The following PFKL variants were observed in gnomAD, a reference collection of about 807,000 sequenced individuals.
The protein encoded by PFKL is phosphofructokinase, liver type, also known as ATP-dependent 6-phosphofructokinase, liver type.
In PFKL, 74 loss-of-function variants were observed where a neutral mutation model predicts 92.1. The ratio of observed to expected loss-of-function variants is 0.80; its 90% CI spans 0.67 to 0.97. The LOEUF (loss-of-function observed/expected upper bound fraction) is 0.97, where lower values mean the gene tolerates loss of function less well. Ranked by LOEUF, PFKL falls within the 50% of genes least tolerant of loss-of-function variation. The probability of loss-of-function intolerance (pLI) is 0.00; values close to 1 mark genes in which losing one functional copy is unlikely to be tolerated. For missense variants in PFKL, 1,028 were observed against 1,116.6 expected, an observed-to-expected ratio of 0.92 and a Z score of 1.13; for synonymous variants, 494 against 456.4, an observed-to-expected ratio of 1.08 and a Z score of -1.05.
intron 1 of PFKL, chr21:44,305,221 G>T (rs934224365): frequency 9.4e-6 from 12 of 1,273,530 alleles, no homozygotes; most frequent in Admixed American, 2.3e-5. Flanking sequence ...TGGCTGCTAC[G>T]TGAGAACAGT....
intron 7 of PFKL, 88 bp downstream of exon 7, chr21:44,314,109 T>A: frequency 1.1e-6 from 1 of 871,170 alleles, no homozygotes; most frequent in South Asian, 1.5e-5. Flanking sequence ...CTTGACCAAC[T>A]CATCTATCAC....
chr21:44,308,603 C>T (rs1313417512), intron 2 of PFKL, among the ~76,000 whole-genome samples: 1 of 149,072 alleles, frequency 6.7e-6, no homozygotes, highest in Non-Finnish European at 1.5e-5. Flanking sequence ...ATTCTGTTGC[C>T]CAGGCTGGAG....
chr21:44,303,272 G>A (rs923529260), intron 1 of PFKL, among the ~76,000 whole-genome samples: 2 of 150,690 alleles, frequency 1.3e-5, no homozygotes, highest in African/African-American at 2.5e-5. Flanking sequence ...TCAGCCAGGC[G>A]TGGTGGTACA....
Position 44,326,157 on chromosome 21 carries a change from A to AGGACG in PFKL, c.2091_2095dup. On this transcript the variant is annotated splice_acceptor_variant, in intron 20 of 21. Coordinates refer to ENST00000349048, the MANE Select transcript of PFKL (RefSeq NM_002626.6). LOFTEE classifies it high-confidence loss of function. ...AGGGCTGCCACGTGCCTCTGTTTGC[A>AGGACG]GGACGGGTGTTCGCCAATGCCCCAG... The AGGACG allele has an allele frequency of 6.2e-7, 1 of 1,612,092 alleles. No individual in the cohort carries two copies. The highest frequency in any genetic ancestry group is 8.5e-7 in the Non-Finnish European group (1 of 1,179,276).
At chr21:44,316,586 T>C in intron 9 of PFKL, 62 bp downstream of exon 9, 1 of 1,281,120 alleles carries the variant, frequency 7.8e-7, no homozygotes, top group Admixed American at 1.9e-5. Flanking sequence ...TGGGTGTGGG[T>C]GTGGGCAGTG....
Position 44,320,134 on chromosome 21 carries a change from C to T in PFKL, c.1178C>T (p.Pro393Leu). Residue 393 changes from proline to leucine, a missense_variant, in exon 12 of 22, where the codon CCC becomes CTC. Physicochemically the swap from Pro to Leu is moderately conservative, Grantham distance 98. Transcript: ENST00000349048. The stretch of plus-strand genomic sequence containing the variant: ...TACAAGCTCCTCGCCCACCAGAAGC[C>T]CCCCAAGGAGAAGGTGAGGCAGGGA... ...NIYKLLAHQK[P>L]PKEKSNFSLA... is the part of the protein sequence containing the mutation. The T allele has an allele frequency of 6.2e-7, 1 of 1,613,410 alleles. No individual in the cohort carries two copies. Among genetic ancestry groups the T allele is most frequent in the South Asian group, 1.1e-5 (1 of 91,066 alleles).
intron 4 of PFKL, 82 bp from the exon 5 acceptor site, chr21:44,312,896 A>C: frequency 2.1e-6 from 3 of 1,440,066 alleles, no homozygotes; most frequent in Non-Finnish European, 2.9e-6. Flanking sequence ...ATGCGGGGGA[A>C]GGGGTGGCAG....
At chr21:44,316,077 T>A in intron 7 of PFKL, 167 bp from the exon 8 acceptor site, 1 of 648,200 alleles carries the variant, frequency 1.5e-6, no homozygotes, top group Admixed American at 2.3e-5. Flanking sequence ...CAGCCTCATC[T>A]CTGCCCTCGC....
chr21:44,309,500 G>A (rs982967635), intron 2 of PFKL, among the ~76,000 whole-genome samples: 1 of 152,200 alleles, frequency 6.6e-6, no homozygotes, highest in African/African-American at 2.4e-5. Flanking sequence ...AAGGGTAGGA[G>A]GAGGTTGTGT....
intron 1 of PFKL, among the ~76,000 whole-genome samples, chr21:44,300,749 G>A (rs1189080418): frequency 1.3e-5 from 2 of 151,954 alleles, no homozygotes; most frequent in African/African-American, 4.8e-5. Flanking sequence ...ATTGAGCAAA[G>A]CCCAGTTGTC....
chr21:44,323,567 C>T (rs1008521024), intron 15 of PFKL, among the ~76,000 whole-genome samples, 199 bp from the exon 16 acceptor site: 6 of 152,144 alleles, frequency 3.9e-5, no homozygotes, highest in Non-Finnish European at 8.8e-5. Flanking sequence ...GTCCAGTTTC[C>T]CTGGTAGGCA....
intron 12 of PFKL, chr21:44,320,438 A>G: frequency 3.4e-6 from 1 of 295,922 alleles, no homozygotes; most frequent in African/African-American, 2.2e-5. Context: ...CATTGTGTAG[A>G]AAATGTCCCC....
chr21:44,320,018 G>T, intron 11 of PFKL, 66 bp from the exon 12 acceptor site: 1 of 1,457,420 alleles, frequency 6.9e-7, no homozygotes, highest in Non-Finnish European at 9.6e-7. Flanking sequence ...CTCTGTCACG[G>T]CTGCGCTGTG....
intron 14 of PFKL, 69 bp downstream of exon 14, chr21:44,322,272 G>A: frequency 7.0e-7 from 1 of 1,434,052 alleles, no homozygotes; most frequent in Non-Finnish European, 9.5e-7. Flanking sequence ...CTGCAGGTGG[G>A]GGCGGCAAGG....
chr21:44,325,512 C>A, intron 19 of PFKL: 1 of 566,992 alleles, frequency 1.8e-6, no homozygotes, highest in Non-Finnish European at 3.2e-6. Flanking sequence ...CCGAGCTCCC[C>A]ACCCCTGCCA....
At chr21:44,324,058 CG>C (rs2047430188) in intron 16 of PFKL, 140 bp downstream of exon 16, 4 of 941,042 alleles carry the variant, frequency 4.3e-6, no homozygotes, top group Non-Finnish European at 6.4e-6. Context: ...GGCACAGGCC[CG>C]GGTGAAGGGG....
At chr21:44,304,691 G>T (rs551414909) in intron 1 of PFKL, among the ~76,000 whole-genome samples, 6 of 138,160 alleles carry the variant, frequency 4.3e-5, no homozygotes, top group Non-Finnish European at 7.8e-5. Context: ...CAGCTGTCTG[G>T]GGGGGGCTCG....
At position 44,324,731 on chromosome 21, in the gene PFKL, GCGCA is replaced by G. The variant is rs922190421; in HGVS notation, c.1815+77_1815+80del. On this transcript the variant is annotated intron_variant, in intron 17 of 21. Coordinates refer to ENST00000349048, the MANE Select transcript of PFKL (RefSeq NM_002626.6). ...GGGCCCCAGACACTCAGGCCGGCCA[GCGCA>G]GGGCAGGGCCCGGGCAGGTGGGACG... 113 of 1,564,786 alleles carry G rather than the reference GCGCA, an allele frequency of 7.2e-5. 1 individual carries two copies. In the Admixed American group the frequency reaches 1.9e-3, roughly 27 times the overall value.
chr21:44,301,613 G>C (rs1375097002), intron 1 of PFKL, among the ~76,000 whole-genome samples: 1 of 152,180 alleles, frequency 6.6e-6, no homozygotes, highest in East Asian at 1.9e-4. Flanking sequence ...CCGTGGCCTT[G>C]GAGGGTGAAC....
Sources: allele counts gnomAD v4.1 joint callset (sites outside exome capture counted in the v4.1 genomes callset), GRCh38; gene constraint gnomAD v4.1.1; transcripts MANE v1.5; gene names NCBI Gene and HGNC (gene_info 2026-07-23, HGNC 2026-07-21).